The following CSNK1G2 variants were observed in gnomAD, a reference collection of about 807,000 sequenced individuals.
CSNK1G2 encodes the protein casein kinase I isoform gamma-2.
Under a neutral mutation model 48.0 loss-of-function variants are expected in CSNK1G2, and 11 were observed. The ratio of observed to expected loss-of-function variants is 0.23; its 90% CI spans 0.14 to 0.38. The LOEUF (loss-of-function observed/expected upper bound fraction) is 0.38, where lower values mean the gene tolerates loss of function less well. Among genes scored for constraint, CSNK1G2 ranks in the 10% least tolerant of loss-of-function variants. The pLI is 1.00. For missense variants in CSNK1G2, 446 were observed against 595.5 expected (o/e 0.75, Z 2.61); for synonymous variants, 337 against 254.1 (o/e 1.33, Z -3.10).
intron 2 of CSNK1G2, chr19:1,974,727 A>G (rs1436055734): frequency 6.6e-6 from 1 of 152,182 alleles, no homozygotes; most frequent in African/African-American, 2.4e-5. Flanking sequence ...GAGGGTAAAC[A>G]TGAGCGACTC....
At chr19:1,966,041 T>G (rs2015355303) in intron 1 of CSNK1G2, among the ~76,000 whole-genome samples, 1 of 152,246 alleles carries the variant, frequency 6.6e-6, no homozygotes, top group African/African-American at 2.4e-5. Context: ...TCAAGCAGTC[T>G]GCCTGCGTCA....
Position 1,941,290 on chromosome 19 carries a change from G to A in CSNK1G2, c.-394G>A, listed in dbSNP as rs1047953649. The A allele has an allele frequency of 2.2e-3, 1 of 456 alleles. No homozygotes were observed. The highest frequency in any genetic ancestry group is 5.5e-3 in the Non-Finnish European group (1 of 182). 0.0% of individuals were successfully genotyped at this position (456 alleles called of 1,614,324 possible). On this transcript the variant is annotated 5_prime_UTR_variant, in exon 1 of 12. Coordinates refer to ENST00000255641, the MANE Select transcript of CSNK1G2 (RefSeq NM_001319.7). ...CCCAGGCGGCGCGGGAGCCGGAGCGGGGGCCCAAGCGGCACCGGAGCCGGA... is the reference window on the plus strand; with the variant it reads ...CCCAGGCGGCGCGGGAGCCGGAGCGAGGGCCCAAGCGGCACCGGAGCCGGA...
At chr19:1,971,549 A>C (rs2015570363) in intron 2 of CSNK1G2, among the ~76,000 whole-genome samples, 1 of 152,230 alleles carries the variant, frequency 6.6e-6, no homozygotes, top group Non-Finnish European at 1.5e-5. Flanking sequence ...ACACTAAAGC[A>C]CACGCACACA....
At chr19:1,967,019 C>T (rs1459179440) in intron 1 of CSNK1G2, among the ~76,000 whole-genome samples, 1 of 148,216 alleles carries the variant, frequency 6.7e-6, no homozygotes, top group South Asian at 2.2e-4. Context: ...CACAGGCTTG[C>T]ACACCACGCC....
chr19:1,968,768 A>C (rs1388830176), intron 1 of CSNK1G2: 1 of 152,496 alleles, frequency 6.6e-6, no homozygotes, highest in Non-Finnish European at 1.5e-5. Flanking sequence ...CTGGTCCCTC[A>C]AGCCCCGCCA....
At chr19:1,969,213 C>T (rs1034491505) in intron 1 of CSNK1G2, among the ~76,000 whole-genome samples, 3 of 151,792 alleles carry the variant, frequency 2.0e-5, no homozygotes, top group African/African-American at 7.3e-5. Flanking sequence ...GCAGTACACT[C>T]TCCCACCTGT....
In CSNK1G2 at chr19:1,946,660, T is replaced by C. The variant is rs186948659; in HGVS notation, c.-266+5242T>C. Among the ~76,000 whole-genome samples, 5 of 150,206 alleles carry C rather than the reference T, an allele frequency of 3.3e-5. No individual in the cohort carries two copies. In the East Asian group the frequency reaches 9.7e-4, roughly 29 times the overall value. On this transcript the variant is annotated intron_variant, in intron 1 of 11. Coordinates refer to ENST00000255641, the MANE Select transcript of CSNK1G2 (RefSeq NM_001319.7). ...TGGAGTCTCGCTCTGTTGCCCAGGCTAGAGTGCAGTGGCGCAATCTTGGCT... is the reference window on the plus strand; with the variant it reads ...TGGAGTCTCGCTCTGTTGCCCAGGCCAGAGTGCAGTGGCGCAATCTTGGCT...
rs145824500 is a variant in CSNK1G2, at chr19:1,951,344, A to G, written c.-266+9926A>G. On this transcript the variant is annotated intron_variant, in intron 1 of 11. Transcript: ENST00000255641. ...CGTGAACCCGGGAGGCGGAGCTTGC[A>G]GTGAGCCGAGATCGCACCACTGCAC... 3.9e-4 allele frequency among the ~76,000 whole-genome samples: 57 copies of G among 144,396 alleles called. 4 individuals carry two copies. Among genetic ancestry groups the G allele is most frequent in the South Asian group, 6.8e-4 (3 of 4,438 alleles). 94.7% of individuals were successfully genotyped at this position (144,396 alleles called of 152,430 possible).
rs1009495963 is a variant in CSNK1G2, at chr19:1,969,614, G to A, written c.-159G>A. ...AAGAGCAGCGCGGCCTGGCCGGCCC[G>A]AACGCCTGCGTCTCAGTAGCTGGGA... On this transcript the variant is annotated 5_prime_UTR_variant, in exon 2 of 12. Transcript: ENST00000255641. The A allele has an allele frequency of 3.8e-5, 22 of 579,720 alleles. No individual in the cohort carries two copies. Among genetic ancestry groups the A allele is most frequent in the East Asian group, 2.8e-4 (8 of 28,580 alleles). The allele number at this position is 579,720 out of a possible 1,614,324, so 35.9% of individuals were successfully genotyped here.
chr19:1,941,771 C>G (rs1187472144), intron 1 of CSNK1G2, among the ~76,000 whole-genome samples: 3 of 146,234 alleles, frequency 2.1e-5, no homozygotes, highest in East Asian at 4.0e-4. Flanking sequence ...CTGCCCCCGC[C>G]GCTCCAGTGA....
At chr19:1,964,570 C>T (rs1170586538) in intron 1 of CSNK1G2, among the ~76,000 whole-genome samples, 1 of 152,116 alleles carries the variant, frequency 6.6e-6, no homozygotes, top group African/African-American at 2.4e-5. Context: ...TTTTACCATT[C>T]CACAAATCCT....
intron 1 of CSNK1G2, among the ~76,000 whole-genome samples, chr19:1,950,279 A>C (rs1039211528): frequency 3.3e-5 from 5 of 151,672 alleles, no homozygotes; most frequent in Non-Finnish European, 7.4e-5. Flanking sequence ...AGCTGGGACT[A>C]CAGGCACCCG....
chr19:1,945,511 G>A (rs116709466), intron 1 of CSNK1G2, among the ~76,000 whole-genome samples: 83 of 152,314 alleles, frequency 5.4e-4, no homozygotes, highest in African/African-American at 1.7e-3. Flanking sequence ...ACAGTTTCGC[G>A]TGACATCATG....
chr19:1,967,077 A>C (rs1389854761), intron 1 of CSNK1G2, among the ~76,000 whole-genome samples: 3 of 152,024 alleles, frequency 2.0e-5, no homozygotes, highest in Non-Finnish European at 2.9e-5. Flanking sequence ...GCTACTGCAC[A>C]CTTCCTAGAC....
Position 1,969,720 on chromosome 19 carries a change from G to T in CSNK1G2, c.-53G>T. ...CAAGACCTCAGGTTTCCAGAGACTT[G>T]GGATTTGCACGGCAGCAGAGTCACC... On this transcript the variant is annotated 5_prime_UTR_variant, in exon 2 of 12. Coordinates refer to ENST00000255641, the MANE Select transcript of CSNK1G2 (RefSeq NM_001319.7). The T allele has an allele frequency of 8.0e-7, 1 of 1,242,922 alleles. No homozygotes were observed. Among genetic ancestry groups the T allele is most frequent in the Non-Finnish European group, 1.0e-6 (1 of 981,378 alleles). 77.0% of individuals were successfully genotyped at this position (1,242,922 alleles called of 1,614,324 possible).
intron 1 of CSNK1G2, among the ~76,000 whole-genome samples, chr19:1,943,375 A>C (rs1024855876): frequency 3.3e-5 from 5 of 152,222 alleles, no homozygotes; most frequent in African/African-American, 1.2e-4. Context: ...GGCCGTTTGC[A>C]GGATGGCCCG....
chr19:1,947,605 T>G (rs1353776963), intron 1 of CSNK1G2, among the ~76,000 whole-genome samples: 2 of 152,152 alleles, frequency 1.3e-5, no homozygotes, highest in African/African-American at 4.8e-5. Flanking sequence ...TCTGACTTGC[T>G]GGGTGTGCCT....
rs963159088 is a variant in CSNK1G2 at position 1,979,849 on chromosome 19, G to A, written c.1086+14G>A. Reference sequence around the variant, plus strand: ...AGCAAAAACCAGGTGAGGCCCGGGCGGGACCGACCGCCCCAGGGAGGGGCA... The same window carrying A: ...AGCAAAAACCAGGTGAGGCCCGGGCAGGACCGACCGCCCCAGGGAGGGGCA... On this transcript the variant is annotated intron_variant, in intron 10 of 11. Coordinates refer to ENST00000255641, the MANE Select transcript of CSNK1G2 (RefSeq NM_001319.7). The A allele has an allele frequency of 1.2e-6, 2 of 1,602,196 alleles. No individual in the cohort carries two copies. Among genetic ancestry groups the A allele is most frequent in the East Asian group, 2.3e-5 (1 of 44,246 alleles).
At chr19:1,949,779 T>G (rs2014697698) in intron 1 of CSNK1G2, among the ~76,000 whole-genome samples, 1 of 152,174 alleles carries the variant, frequency 6.6e-6, no homozygotes, top group Admixed American at 6.5e-5. Context: ...CCTCTTCCGG[T>G]GACTTGGTTT....
Sources: gnomAD v4.1 joint callset for allele counts (sites outside exome capture counted in the v4.1 genomes callset) on GRCh38, gnomAD v4.1.1 for gene constraint, MANE v1.5 for transcripts, NCBI Gene and HGNC (gene_info 2026-07-23, HGNC 2026-07-21) for gene names.